The following SEC16A variants were observed in gnomAD, a reference collection of about 807,000 sequenced individuals.
SEC16A encodes the protein SEC16 homolog A, endoplasmic reticulum export factor, also known as protein transport protein Sec16A.
Under a neutral mutation model 221.9 loss-of-function variants are expected in SEC16A, and 110 were observed. The observed-to-expected ratio is 0.50, with a 90% CI of 0.42 to 0.58. The LOEUF is 0.58. SEC16A is among the 20% of genes least tolerant of loss of function. The pLI is 0.00. For synonymous variants in SEC16A, 1,393 were observed against 1,257.7 expected, an observed-to-expected ratio of 1.11 and a Z score of -2.28; for missense variants, 3,165 against 3,097.8, an observed-to-expected ratio of 1.02 and a Z score of -0.52.
upstream of SEC16A, chr9:136,484,209 G>A (rs557500415): frequency 4.7e-4 from 151 of 317,978 alleles, 1 homozygote; most frequent in African/African-American, 3.4e-3. Flanking sequence ...CCACAGGGGC[G>A]CTGGGGTCCC....
intron 3 of SEC16A, among the ~76,000 whole-genome samples, chr9:136,473,714 G>C (rs913215197): frequency 1.3e-5 from 2 of 152,244 alleles, no homozygotes; most frequent in Non-Finnish European, 2.9e-5. Flanking sequence ...CTTTTCTGCA[G>C]ACAGCCAGCA....
intron 18 of SEC16A, among the ~76,000 whole-genome samples, chr9:136,456,581 A>C (rs1838706804): frequency 6.6e-6 from 1 of 152,218 alleles, no homozygotes; most frequent in Non-Finnish European, 1.5e-5. Flanking sequence ...AAGGTGGGGG[A>C]TGAGCACCTA....
In SEC16A at chr9:136,475,666, G is replaced by A; in HGVS notation, c.1950C>T (p.Ala650=). Residue 650 remains alanine (A), a synonymous_variant, in exon 3 of 32, where the codon GCC becomes GCT. Coordinates refer to ENST00000684901, the MANE Select transcript of SEC16A (RefSeq NM_014866.2). This position sits in a 1 kb window ranked among gnomAD's most constrained non-coding sequence, Gnocchi z 5.0. ...GGTTGCCAGGGGAAGCATCGGGCAG[G>A]GCGGCAGCTGGTCTGCACTGCTTCT... The part of the protein sequence containing the change: ...VRQKQCRPAA[A]LPDASPGNLE... 6.2e-7 allele frequency: 1 copy of A among 1,613,760 alleles called. No individual in the cohort carries two copies. The highest frequency in any genetic ancestry group is 8.5e-7 in the Non-Finnish European group (1 of 1,179,864).
intron 3 of SEC16A, 93 bp downstream of exon 3, chr9:136,473,956 G>A (rs573543355): frequency 8.0e-6 from 11 of 1,383,404 alleles, no homozygotes; most frequent in South Asian, 2.8e-5. Flanking sequence ...GGAACCAAGC[G>A]AACAAACACT....
chr9:136,446,085 C>T (rs1400844686), intron 28 of SEC16A, among the ~76,000 whole-genome samples: 1 of 149,940 alleles, frequency 6.7e-6, no homozygotes, highest in Non-Finnish European at 1.5e-5. Flanking sequence ...TCCCACCGTA[C>T]AGAGTGCAGT....
rs1208831594 is a variant in SEC16A, at chr9:136,447,128, A to T, written c.6697+99T>A. 3.3e-6 allele frequency: 5 copies of T among 1,518,538 alleles called. No individual in the cohort carries two copies. The African/African-American group carries it at 6.9e-5, about 21-fold the overall frequency. 94.1% of individuals were successfully genotyped at this position (1,518,538 alleles called of 1,614,324 possible). On this transcript the variant is annotated intron_variant, in intron 27 of 31. Coordinates refer to ENST00000684901, the MANE Select transcript of SEC16A (RefSeq NM_014866.2). The surrounding 1 kb of genome is among the most constrained non-coding windows in gnomAD (Gnocchi z 5.5). Reference sequence around the variant, plus strand: ...AGGCTCTCTGCATGCTGGCCAGGTCATTCTTTTAACGGGAGATTTAGGAGA... The same window carrying T: ...AGGCTCTCTGCATGCTGGCCAGGTCTTTCTTTTAACGGGAGATTTAGGAGA...
At position 136,441,725 on chromosome 9, in the gene SEC16A, C is replaced by T. The variant is rs746133947; in HGVS notation, c.*30G>A. On this transcript the variant is annotated 3_prime_UTR_variant, in exon 32 of 32. Transcript: ENST00000684901. ...TTCGGGGAGAACAGCAGCGTCAGGG[C>T]TCCAAGTGCAAGTTCACAGCAGGGC... 1 of 1,607,404 alleles carries T rather than the reference C, an allele frequency of 6.2e-7. No homozygotes were observed. The highest frequency in any genetic ancestry group is 8.5e-7 in the Non-Finnish European group (1 of 1,174,526).
intron 17 of SEC16A, among the ~76,000 whole-genome samples, chr9:136,457,839 C>T (rs1838901162): frequency 1.3e-5 from 2 of 152,258 alleles, no homozygotes; most frequent in African/African-American, 4.8e-5. Flanking sequence ...CTGCTTTCCC[C>T]CCAACCCCTT....
At chr9:136,484,487 G>A (rs1265236080), upstream of SEC16A, 1 of 1,220,876 alleles carries the variant, frequency 8.2e-7, no homozygotes, top group Non-Finnish European at 1.1e-6. Flanking sequence ...CCTGGCAAGG[G>A]CAGGGAAGAG....
At chr9:136,484,298 C>G, upstream of SEC16A, 18 of 1,024,456 alleles carry the variant, frequency 1.8e-5, no homozygotes, top group Non-Finnish European at 2.2e-5. Flanking sequence ...AGGGGTGAGG[C>G]GGGTAGGCGC....
Position 136,462,756 on chromosome 9 carries a change from C to A in SEC16A, c.4893+131G>T, listed in dbSNP as rs905653657. ...AGGCATTGTTCAGGAAACAGCAAGACCCGAAGCCCCACACTGCAGCGCGGA... is the reference window on the plus strand; with the variant it reads ...AGGCATTGTTCAGGAAACAGCAAGAACCGAAGCCCCACACTGCAGCGCGGA... On this transcript the variant is annotated intron_variant, in intron 12 of 31. Coordinates refer to ENST00000684901, the MANE Select transcript of SEC16A (RefSeq NM_014866.2). 8 of 1,011,894 alleles carry A rather than the reference C, an allele frequency of 7.9e-6. No homozygotes were observed. The African/African-American group carries it at 1.1e-4, about 14-fold the overall frequency. 62.7% of individuals were successfully genotyped at this position (1,011,894 alleles called of 1,614,324 possible).
In SEC16A at chr9:136,474,208, T is replaced by C. The variant is rs1841300741; in HGVS notation, c.3408A>G (p.Ser1136=). Residue 1136 remains serine, a synonymous_variant, in exon 3 of 32, where the codon TCA becomes TCG. Coordinates refer to ENST00000684901, the MANE Select transcript of SEC16A (RefSeq NM_014866.2). ...GCACTGGCTGTGGCCACGGCTGCTC[T>C]GACGGCACAGCTGCCTGGCCGGAGC... The part of the protein sequence containing the change: ...SSGSGQAAVP[S]EQPWPQPVPA... 5 of 1,611,440 alleles carry C rather than the reference T, an allele frequency of 3.1e-6. No individual in the cohort carries two copies. The highest frequency in any genetic ancestry group is 1.3e-5 in the African/African-American group (1 of 74,928).
At chr9:136,479,072 T>G (rs1005964027) in intron 1 of SEC16A, among the ~76,000 whole-genome samples, 1 of 151,950 alleles carries the variant, frequency 6.6e-6, no homozygotes, top group Middle Eastern at 3.4e-3. Flanking sequence ...AGGCACAGAC[T>G]GGATTCCAAC....
chr9:136,475,981 T>C lies in SEC16A; in HGVS notation c.1635A>G (p.Thr545=), dbSNP rs1398476096. The C allele has an allele frequency of 5.0e-6, 8 of 1,613,498 alleles. No individual in the cohort carries two copies. The highest frequency in any genetic ancestry group is 1.6e-4 in the Middle Eastern group (1 of 6,062). ...GSARPQELVG[T]FIQQEVGKPE... ...GTTTTCCAACTTCTTGCTGAATGAA[T>C]GTGCCAACCAGCTCCTGGGGCCTGG... is the stretch of plus-strand genomic sequence containing the variant. Residue 545 remains threonine, a synonymous_variant, in exon 3 of 32, where the codon ACA becomes ACG. Coordinates refer to ENST00000684901, the MANE Select transcript of SEC16A (RefSeq NM_014866.2). This position sits in a 1 kb window ranked among gnomAD's most constrained non-coding sequence, Gnocchi z 5.0.
chr9:136,459,645 G>T lies in SEC16A; in HGVS notation c.5192-90C>A. The T allele has an allele frequency of 7.4e-7, 1 of 1,347,074 alleles. No homozygotes were observed. Among genetic ancestry groups the T allele is most frequent in the Non-Finnish European group, 1.0e-6 (1 of 967,614 alleles). 83.4% of individuals were successfully genotyped at this position (1,347,074 alleles called of 1,614,324 possible). On this transcript the variant is annotated intron_variant, in intron 15 of 31. Transcript: ENST00000684901. The surrounding 1 kb of genome is among the most constrained non-coding windows in gnomAD (Gnocchi z 6.1). Reference sequence around the variant, plus strand: ...GACGCGCACAGAAGGCACCAGAGACGCCAGCCGGACCGAGAAGGCCGGGTT... The same window carrying T: ...GACGCGCACAGAAGGCACCAGAGACTCCAGCCGGACCGAGAAGGCCGGGTT...
intron 8 of SEC16A, among the ~76,000 whole-genome samples, chr9:136,465,718 G>A (rs1378021416): frequency 6.6e-6 from 1 of 152,208 alleles, no homozygotes; most frequent in Non-Finnish European, 1.5e-5. Context: ...TGTCCTCAGA[G>A]TCACACTTTA....
chr9:136,475,531 C>A lies in SEC16A; in HGVS notation c.2085G>T (p.Pro695=). 6.2e-7 allele frequency: 1 copy of A among 1,613,108 alleles called. No homozygotes were observed. The highest frequency in any genetic ancestry group is 8.5e-7 in the Non-Finnish European group (1 of 1,179,564). Residue 695 remains proline (P), a synonymous_variant, in exon 3 of 32, where the codon CCG becomes CCT. Coordinates refer to ENST00000684901, the MANE Select transcript of SEC16A (RefSeq NM_014866.2). The surrounding 1 kb of genome is among the most constrained non-coding windows in gnomAD (Gnocchi z 5.0). ...AVHMLPHAGA[P]PLDTVYPAPE... ...GTGCTGGATACACAGTATCCAAGGG[C>A]GGTGCCCCTGCGTGCGGAAGCATGT...
chr9:136,483,648 G>A, upstream of SEC16A: 1 of 985,558 alleles, frequency 1.0e-6, no homozygotes, highest in Non-Finnish European at 1.2e-6. Context: ...TTCAATCAAG[G>A]CCACAAGCGG....
intron 12 of SEC16A, among the ~76,000 whole-genome samples, chr9:136,461,981 A>C (rs568233173): frequency 6.6e-6 from 1 of 151,246 alleles, no homozygotes; most frequent in African/African-American, 2.4e-5. Context: ...GGTGGCATGC[A>C]GCTGTAGTCC....
Sources: gnomAD v4.1 joint callset for allele counts (sites outside exome capture counted in the v4.1 genomes callset) on GRCh38, gnomAD v4.1.1 for gene constraint, Gnocchi (gnomAD v3.1) non-coding constraint, MANE v1.5 for transcripts, NCBI Gene and HGNC (gene_info 2026-07-23, HGNC 2026-07-21) for gene names.